MIDN: variants seen among roughly 807,000 people sequenced by gnomAD.
MIDN encodes the protein midnolin.
Under a neutral mutation model 46.1 loss-of-function variants are expected in MIDN, and 26 were observed. The observed-to-expected ratio is 0.56, with a 90% CI of 0.41 to 0.78. MIDN has a LOEUF of 0.78. Ranked by LOEUF, MIDN falls within the 30% of genes least tolerant of loss-of-function variation. The probability of loss-of-function intolerance (pLI) is 0.00; values close to 1 mark genes in which losing one functional copy is unlikely to be tolerated. For synonymous variants in MIDN, 432 were observed against 343.3 expected (o/e 1.26, Z -2.86); for missense variants, 850 against 771.8 (o/e 1.10, Z -1.20).
chr19:1,253,853 A>G, intron 4 of MIDN, 101 bp from the exon 5 acceptor site: 1 of 1,005,760 alleles, frequency 9.9e-7, no homozygotes, highest in Non-Finnish European at 1.3e-6. Flanking sequence ...AGTGACTGCC[A>G]GCTGGGCCCC....
At chr19:1,252,573 C>G (rs963220028) in intron 4 of MIDN, among the ~76,000 whole-genome samples, 5 of 151,668 alleles carry the variant, frequency 3.3e-5, no homozygotes, top group African/African-American at 1.2e-4. Context: ...CTTCTTTCCT[C>G]ATTTTCTTGG....
In MIDN at chr19:1,257,221, G is replaced by A. The variant is rs1199092141; in HGVS notation, c.1485G>A (p.Val495=). The A allele has an allele frequency of 1.9e-6, 3 of 1,612,112 alleles. No homozygotes were observed. Among genetic ancestry groups the A allele is most frequent in the African/African-American group, 2.7e-5 (2 of 74,892 alleles). ...TGGGCCTCGACTTCGAGGACTCCGT[G>A]TGGAAGCCAGAAGTCAACCCTGACA... is the stretch of plus-strand genomic sequence containing the variant. ...SGLGLDFEDS[V]WKPEVNPDIK... The change falls in exon 9 of 9, where the codon GTG becomes GTA. Residue 495 remains valine (V), a synonymous_variant. Coordinates refer to ENST00000682408, the MANE Select transcript of MIDN (RefSeq NM_001388306.1).
At position 1,257,479 on chromosome 19, in the gene MIDN, G is replaced by A; in HGVS notation, c.*207G>A. 1.9e-6 allele frequency: 1 copy of A among 531,984 alleles called. No homozygotes were observed. The highest frequency in any genetic ancestry group is 3.3e-6 in the Non-Finnish European group (1 of 303,204). The allele number at this position is 531,984 out of a possible 1,614,324, so 33.0% of individuals were successfully genotyped here. A position where few individuals can be genotyped will look rare whatever the true frequency, so the allele number is the denominator to read the frequency against. On this transcript the variant is annotated 3_prime_UTR_variant, in exon 9 of 9. Transcript: ENST00000682408. ...GTTTCCTGGACTCTTCATGGGCTTT[G>A]CTTCCTACCTCCTTCACCCTTCACT...
Position 1,257,206 on chromosome 19 carries a change from C to T in MIDN, c.1470C>T (p.Asp490=). 2 of 1,612,186 alleles carry T rather than the reference C, an allele frequency of 1.2e-6. No homozygotes were observed. Among genetic ancestry groups the T allele is most frequent in the Non-Finnish European group, 1.7e-6 (2 of 1,179,694 alleles). Residue 490 remains aspartate, a synonymous_variant, in exon 9 of 9, where the codon GAC becomes GAT. Transcript: ENST00000682408. The stretch of plus-strand genomic sequence containing the variant: ...GCGAGGCCTCCGGCTTGGGCCTCGA[C>T]TTCGAGGACTCCGTGTGGAAGCCAG... ...SPSEASGLGL[D]FEDSVWKPEV...
In MIDN at chr19:1,254,992, C is replaced by G; in HGVS notation, c.916C>G (p.Arg306Gly). 6.2e-7 allele frequency: 1 copy of G among 1,613,242 alleles called. No individual in the cohort carries two copies. The highest frequency in any genetic ancestry group is 1.1e-5 in the South Asian group (1 of 91,076). Residue 306 changes from arginine to glycine, a missense_variant, in exon 7 of 9, where the codon CGA (arginine) becomes GGA (glycine). By Grantham distance (125) the Arg-to-Gly change is moderately radical. Coordinates refer to ENST00000682408, the MANE Select transcript of MIDN (RefSeq NM_001388306.1). ...AGGGGCCAGCCCTGCCCCCCGCTCC[C>G]GAAAACCCGGCGCCGTCATCGAGAG... ...TPGASPAPRSRKPGAVIESFV... is the reference protein window; with the variant it reads ...TPGASPAPRSGKPGAVIESFV...
At chr19:1,253,831 T>G in intron 4 of MIDN, 123 bp from the exon 5 acceptor site, 9 of 698,600 alleles carry the variant, frequency 1.3e-5, no homozygotes, top group East Asian at 6.1e-5. Context: ...AAAGTGAAGG[T>G]TGTTTGAGGT....
At position 1,253,940 on chromosome 19, in the gene MIDN, C is replaced by G; in HGVS notation, c.385-14C>G. The G allele has an allele frequency of 2.2e-6, 3 of 1,384,530 alleles. No individual in the cohort carries two copies. The highest frequency in any genetic ancestry group is 2.8e-6 in the Non-Finnish European group (3 of 1,076,556). The allele number at this position is 1,384,530 out of a possible 1,614,324, so 85.8% of individuals were successfully genotyped here. A position where few individuals can be genotyped will look rare whatever the true frequency, so the allele number is the denominator to read the frequency against. On this transcript the variant is annotated splice_polypyrimidine_tract_variant and intron_variant, in intron 4 of 8. Transcript: ENST00000682408. ...AGGGGCAGGCCCCCGTCTGACCCGC[C>G]TCTGTCCCCACAGCCCCCAGCGGCG... is the stretch of plus-strand genomic sequence containing the variant.
chr19:1,251,777 C>G (rs544218878), intron 3 of MIDN, 62 bp from the exon 4 acceptor site: 2 of 1,566,236 alleles, frequency 1.3e-6, no homozygotes, highest in Non-Finnish European at 1.8e-6. Flanking sequence ...CCCTCTCCAC[C>G]CCCTATTCCA....
chr19:1,253,418 G>A (rs1271979294), intron 4 of MIDN, among the ~76,000 whole-genome samples: 3 of 74,932 alleles, frequency 4.0e-5, no homozygotes, highest in African/African-American at 7.2e-5. Flanking sequence ...AGAAACCTCC[G>A]CCACCCCCCC....
Position 1,255,100 on chromosome 19 carries a change from C to T in MIDN, c.985+39C>T, listed in dbSNP as rs186284349. 136 of 1,588,590 alleles carry T rather than the reference C, an allele frequency of 8.6e-5. 1 individual carries two copies. The highest frequency in any genetic ancestry group is 9.6e-5 in the Non-Finnish European group (112 of 1,162,154). ...CACATGTGTGAGCTCACGTGTGTCC[C>T]GTGACCCTGTGCATTTGGGGTCTAC... On this transcript the variant is annotated intron_variant, in intron 7 of 8. Coordinates refer to ENST00000682408, the MANE Select transcript of MIDN (RefSeq NM_001388306.1).
intron 1 of MIDN, among the ~76,000 whole-genome samples, chr19:1,249,403 G>A (rs1318484840): frequency 6.7e-6 from 1 of 150,266 alleles, no homozygotes; most frequent in Non-Finnish European, 1.5e-5. Flanking sequence ...GCTTTTCCCG[G>A]ACGAAGGCGG....
chr19:1,257,152 C>T lies in MIDN; in HGVS notation c.1416C>T (p.Ser472=), dbSNP rs1428302326. 1 of 1,611,602 alleles carries T rather than the reference C, an allele frequency of 6.2e-7. No individual in the cohort carries two copies. The highest frequency in any genetic ancestry group is 1.1e-5 in the South Asian group (1 of 91,042). ...GCCGCAAGGCCGGCCGCAGCGACAG[C>T]AGTAGCAGCGGGGGCGGCGGCAGCC... is the stretch of plus-strand genomic sequence containing the variant. ...SPSRKAGRSD[S]SSSGGGGSPS... is the part of the protein sequence containing the mutation. The change falls in exon 9 of 9, where the codon AGC becomes AGT. Residue 472 remains serine, a synonymous_variant. Transcript: ENST00000682408.
chr19:1,254,098 G>A lies in MIDN; in HGVS notation c.513+16G>A, dbSNP rs751949870. ...GAGGCCCCAGGTCACAGCGCGGGGG[G>A]ACTGGGCCGGGCTGGGCTGGGGGCG... On this transcript the variant is annotated intron_variant, in intron 5 of 8. Coordinates refer to ENST00000682408, the MANE Select transcript of MIDN (RefSeq NM_001388306.1). The A allele has an allele frequency of 3.3e-6, 5 of 1,534,900 alleles. No homozygotes were observed. Among genetic ancestry groups the A allele is most frequent in the South Asian group, 2.3e-5 (2 of 85,260 alleles).
In MIDN at chr19:1,256,975, G is replaced by A; in HGVS notation, c.1259-20G>A. The A allele has an allele frequency of 1.2e-6, 2 of 1,605,058 alleles. No homozygotes were observed. Among genetic ancestry groups the A allele is most frequent in the East Asian group, 2.2e-5 (1 of 44,868 alleles). ...GCAGGTGGAGGCTTTGGGAGTCACA[G>A]GCCACTACCTCCTTTGCAGGGGACC... On this transcript the variant is annotated intron_variant, in intron 8 of 8. Transcript: ENST00000682408.
chr19:1,251,054 C>G (rs1038595378), intron 2 of MIDN, among the ~76,000 whole-genome samples: 1 of 151,136 alleles, frequency 6.6e-6, no homozygotes, highest in Non-Finnish European at 1.5e-5. Flanking sequence ...AGGGGCCCAT[C>G]GGGGGAGGGG....
Position 1,249,885 on chromosome 19 carries a change from C to T in MIDN, c.-407-5C>T, listed in dbSNP as rs2081101916. ...ACTTTTTTTTCTTGTTACTTTCACC[C>T]CCAGATCCTCCGAGCGGCGGCGACG... On this transcript the variant is annotated splice_region_variant and splice_polypyrimidine_tract_variant and intron_variant, in intron 1 of 8. Coordinates refer to ENST00000682408, the MANE Select transcript of MIDN (RefSeq NM_001388306.1). The T allele has an allele frequency of 6.6e-6, 1 of 152,022 alleles. No individual in the cohort carries two copies. Among genetic ancestry groups the T allele is most frequent in the Non-Finnish European group, 1.5e-5 (1 of 67,976 alleles). 9.4% of individuals were successfully genotyped at this position (152,022 alleles called of 1,614,324 possible). A position where few individuals can be genotyped will look rare whatever the true frequency, so the allele number is the denominator to read the frequency against.
At chr19:1,254,614 C>A in intron 6 of MIDN, 136 bp downstream of exon 6, 1 of 975,268 alleles carries the variant, frequency 1.0e-6, no homozygotes, top group Non-Finnish European at 1.5e-6. Flanking sequence ...TGACCTCGGG[C>A]TGGTGGGTGA....
rs1244435961 is a variant in MIDN, at chr19:1,259,041, G to A, written c.*1769G>A. The A allele has an allele frequency of 1.3e-5, 2 of 151,038 alleles. No homozygotes were observed. The highest frequency in any genetic ancestry group is 2.1e-4 in the South Asian group (1 of 4,790). 9.4% of individuals were successfully genotyped at this position (151,038 alleles called of 1,614,324 possible). ...CGGGGGGTCGGGCTGTGGGGGTCCC[G>A]GCACCTGGCGTGAGTTTCATGTATG... On this transcript the variant is annotated 3_prime_UTR_variant, in exon 9 of 9. Coordinates refer to ENST00000682408, the MANE Select transcript of MIDN (RefSeq NM_001388306.1).
In MIDN at chr19:1,250,532, A is replaced by T. The variant is rs747966505; in HGVS notation, c.233+3A>T. The T allele has an allele frequency of 7.3e-6, 9 of 1,234,796 alleles. No homozygotes were observed. Among genetic ancestry groups the T allele is most frequent in the Non-Finnish European group, 9.3e-6 (9 of 963,766 alleles). The allele number at this position is 1,234,796 out of a possible 1,614,324, so 76.5% of individuals were successfully genotyped here. ...CTGGCTCTTCTCCACAAAGACACGTAGGTACCGCGCGCCCCCGGCCGGCCG... is the reference window on the plus strand; with the variant it reads ...CTGGCTCTTCTCCACAAAGACACGTTGGTACCGCGCGCCCCCGGCCGGCCG... On this transcript the variant is annotated splice_donor_region_variant and intron_variant, in intron 2 of 8. Transcript: ENST00000682408.
Sources: allele counts gnomAD v4.1 joint callset (sites outside exome capture counted in the v4.1 genomes callset), GRCh38; gene constraint gnomAD v4.1.1; transcripts MANE v1.5; gene names NCBI Gene and HGNC (gene_info 2026-07-23, HGNC 2026-07-21).